Variants in CADM1 observed in about 807,000 individuals in gnomAD.
CADM1 encodes cell adhesion molecule 1, also known as TSLC-1.
Under a neutral mutation model 53.1 loss-of-function variants are expected in CADM1, and 15 were observed. The observed-to-expected ratio is 0.28, with a 90% CI of 0.19 to 0.44. The LOEUF (loss-of-function observed/expected upper bound fraction) is 0.44. CADM1 is among the 20% of genes least tolerant of loss of function. The pLI is 1.00. For synonymous variants in CADM1, 281 were observed against 243.0 expected (o/e 1.16, Z -1.45); for missense variants, 434 against 611.3 (o/e 0.71, Z 3.06).
At chr11:115,258,688 G>A (rs2135007968) in intron 1 of CADM1, among the ~76,000 whole-genome samples, 1 of 152,298 alleles carries the variant, frequency 6.6e-6, no homozygotes, top group South Asian at 2.1e-4. Flanking sequence ...GTGTTACCAA[G>A]ATCAATAAGA....
At chr11:115,332,807 T>C (rs966127269) in intron 1 of CADM1, among the ~76,000 whole-genome samples, 3 of 152,070 alleles carry the variant, frequency 2.0e-5, no homozygotes, top group African/African-American at 7.2e-5. Flanking sequence ...AATAATCTGA[T>C]AGTAAATGAA....
intron 1 of CADM1, among the ~76,000 whole-genome samples, chr11:115,245,626 T>C (rs1829656397): frequency 6.6e-6 from 1 of 152,212 alleles, no homozygotes. Flanking sequence ...GGCACTGCAA[T>C]TCCTGCTAAC....
rs1938977563 is a variant in CADM1 at position 115,175,369 on chromosome 11, A to C, written c.*1105T>G. ...CATCCTACTGCCTTCCTAACTAAGC[A>C]CAAAGGAAAAAAAAAAAAAAATCAA... is the stretch of plus-strand genomic sequence containing the variant. On this transcript the variant is annotated 3_prime_UTR_variant, in exon 12 of 12. Coordinates refer to ENST00000331581, the MANE Select transcript of CADM1 (RefSeq NM_001301043.2). 1 of 903,940 alleles carries C rather than the reference A, an allele frequency of 1.1e-6. No individual in the cohort carries two copies. Among genetic ancestry groups the C allele is most frequent in the African/African-American group, 2.5e-5 (1 of 39,588 alleles). The allele number at this position is 903,940 out of a possible 1,614,324, so 56.0% of individuals were successfully genotyped here. A position where few individuals can be genotyped will look rare whatever the true frequency, so the allele number is the denominator to read the frequency against.
intron 1 of CADM1, among the ~76,000 whole-genome samples, chr11:115,364,991 A>T (rs1398570224): frequency 6.6e-6 from 1 of 152,220 alleles, no homozygotes; most frequent in African/African-American, 2.4e-5. Context: ...GTAGATGTTT[A>T]TGGAAAAACG....
At chr11:115,379,267 A>T (rs1247882025) in intron 1 of CADM1, among the ~76,000 whole-genome samples, 1 of 152,252 alleles carries the variant, frequency 6.6e-6, no homozygotes, top group Non-Finnish European at 1.5e-5. Flanking sequence ...TAAAATTAGG[A>T]TAATAAAACT....
At chr11:115,469,669 C>T (rs1207474200) in intron 1 of CADM1, among the ~76,000 whole-genome samples, 89 of 100,420 alleles carry the variant, frequency 8.9e-4, no homozygotes, top group Middle Eastern at 8.8e-3. Context: ...AACTTCTGGG[C>T]TTTTTTTTTT....
At chr11:115,350,450 G>A (rs965964516) in intron 1 of CADM1, among the ~76,000 whole-genome samples, 2 of 151,808 alleles carry the variant, frequency 1.3e-5, no homozygotes, top group African/African-American at 4.8e-5. Context: ...GAGGTGCCCT[G>A]TAGAAATCCT....
chr11:115,503,321 C>A (rs1008959788), intron 1 of CADM1, among the ~76,000 whole-genome samples: 22 of 152,332 alleles, frequency 1.4e-4, no homozygotes, highest in African/African-American at 4.8e-4. Flanking sequence ...AGGGAAGGCA[C>A]CGGGCGTGCA....
intron 9 of CADM1, among the ~76,000 whole-genome samples, chr11:115,191,995 C>A (rs527519840): frequency 1.3e-5 from 2 of 152,256 alleles, no homozygotes; most frequent in East Asian, 3.9e-4. Context: ...TACAGCCAAC[C>A]CACAAAGTGT....
At chr11:115,500,079 C>T (rs1222833645) in intron 1 of CADM1, among the ~76,000 whole-genome samples, 1 of 152,136 alleles carries the variant, frequency 6.6e-6, no homozygotes, top group Non-Finnish European at 1.5e-5. Flanking sequence ...CAACAGATGT[C>T]GCTGTGTGAT....
At chr11:115,407,065 A>G (rs1257596950) in intron 1 of CADM1, among the ~76,000 whole-genome samples, 1 of 152,116 alleles carries the variant, frequency 6.6e-6, no homozygotes, top group Non-Finnish European at 1.5e-5. Context: ...GCACTTTCCC[A>G]TATCACACTA....
At chr11:115,242,870 A>G (rs1173395386) in intron 1 of CADM1, among the ~76,000 whole-genome samples, 1 of 152,206 alleles carries the variant, frequency 6.6e-6, no homozygotes, top group African/African-American at 2.4e-5. Flanking sequence ...TTATGCTTTA[A>G]CAGAATAGTT....
At chr11:115,496,959 G>A (rs1307404899) in intron 1 of CADM1, among the ~76,000 whole-genome samples, 1 of 152,152 alleles carries the variant, frequency 6.6e-6, no homozygotes, top group Non-Finnish European at 1.5e-5. Context: ...CCAGCCAAGT[G>A]GAGATATGGC....
At chr11:115,256,645 AG>A (rs2134998982) in intron 1 of CADM1, among the ~76,000 whole-genome samples, 1 of 152,312 alleles carries the variant, frequency 6.6e-6, no homozygotes, top group East Asian at 1.9e-4. Context: ...AATTTGTTTC[AG>A]TTTTCCAGTA....
intron 3 of CADM1, among the ~76,000 whole-genome samples, chr11:115,232,364 C>G (rs1941850955): frequency 6.6e-6 from 1 of 152,146 alleles, no homozygotes; most frequent in Non-Finnish European, 1.5e-5. Context: ...GTAATCATAA[C>G]CTCTGATGGA....
intron 1 of CADM1, among the ~76,000 whole-genome samples, chr11:115,369,151 T>C (rs916474797): frequency 1.3e-5 from 2 of 151,226 alleles, no homozygotes; most frequent in African/African-American, 4.9e-5. Flanking sequence ...TAGCAGATTG[T>C]CCTAGGTACA....
At chr11:115,440,497 A>C (rs1435693836) in intron 1 of CADM1, among the ~76,000 whole-genome samples, 1 of 152,238 alleles carries the variant, frequency 6.6e-6, no homozygotes, top group East Asian at 1.9e-4. Flanking sequence ...GGAGTTTACC[A>C]GATAGATCTC....
At chr11:115,440,270 C>T (rs1488471696) in intron 1 of CADM1, among the ~76,000 whole-genome samples, 1 of 152,200 alleles carries the variant, frequency 6.6e-6, no homozygotes, top group Non-Finnish European at 1.5e-5. Flanking sequence ...CAGAGGCTTT[C>T]CCTATCCTTA....
intron 1 of CADM1, among the ~76,000 whole-genome samples, chr11:115,249,228 T>C (rs1205248013): frequency 6.6e-6 from 1 of 152,246 alleles, no homozygotes; most frequent in East Asian, 1.9e-4. Context: ...ATCTTCTGTA[T>C]CAACCACTTT....
Sources: gnomAD v4.1 joint callset for allele counts (sites outside exome capture counted in the v4.1 genomes callset) on GRCh38, gnomAD v4.1.1 for gene constraint, MANE v1.5 for transcripts, NCBI Gene and HGNC (gene_info 2026-07-23, HGNC 2026-07-21) for gene names.